SRBD1: variants seen among roughly 807,000 people sequenced by gnomAD.
SRBD1 encodes the protein S1 RNA binding domain 1.
Under a neutral mutation model 115.3 loss-of-function variants are expected in SRBD1, and 88 were observed. The observed-to-expected ratio is 0.76, with a 90% CI of 0.64 to 0.91. The LOEUF (loss-of-function observed/expected upper bound fraction) is 0.91. Among genes scored for constraint, SRBD1 ranks in the 40% least tolerant of loss-of-function variants. SRBD1 has a pLI of 0.00. For missense variants in SRBD1, 1,385 were observed against 1,177.4 expected (o/e 1.18, Z -2.58); for synonymous variants, 509 against 407.7 (o/e 1.25, Z -2.99).
At chr2:45,396,400 A>T (rs1667147102) in intron 19 of SRBD1, among the ~76,000 whole-genome samples, 1 of 152,222 alleles carries the variant, frequency 6.6e-6, no homozygotes, top group Non-Finnish European at 1.5e-5. Flanking sequence ...TTCAAAAGTC[A>T]ATGAATTATT....
intron 4 of SRBD1, among the ~76,000 whole-genome samples, chr2:45,596,531 T>A (rs1673899701): frequency 6.6e-6 from 1 of 152,210 alleles, no homozygotes; most frequent in South Asian, 2.1e-4. Context: ...TCTCAGTAAT[T>A]TCTCAGTAAG....
intron 14 of SRBD1, among the ~76,000 whole-genome samples, chr2:45,496,504 T>C (rs991784758): frequency 6.6e-6 from 1 of 152,102 alleles, no homozygotes. Context: ...AAGAGAAAGA[T>C]AGAAGCAGCG....
chr2:45,546,723 T>C lies in SRBD1; in HGVS notation c.1874+9A>G, dbSNP rs1032874564. Reference sequence around the variant, plus strand: ...TCTCCAAGAAAAGAGATATATGTAATAGCCTTACCAGTAAACAACATCCAG... The same window carrying C: ...TCTCCAAGAAAAGAGATATATGTAACAGCCTTACCAGTAAACAACATCCAG... On this transcript the variant is annotated intron_variant, in intron 14 of 20. Transcript: ENST00000263736. 1.2e-6 allele frequency: 2 copies of C among 1,612,702 alleles called. No individual in the cohort carries two copies. Among genetic ancestry groups the C allele is most frequent in the Non-Finnish European group, 1.7e-6 (2 of 1,178,786 alleles).
chr2:45,422,434 A>G (rs1317218307), intron 16 of SRBD1, among the ~76,000 whole-genome samples: 1 of 152,230 alleles, frequency 6.6e-6, no homozygotes, highest in African/African-American at 2.4e-5. Flanking sequence ...ACTGAGGGTT[A>G]TGATCAATTA....
chr2:45,395,576 G>A (rs1436208234), intron 19 of SRBD1, among the ~76,000 whole-genome samples: 1 of 152,184 alleles, frequency 6.6e-6, no homozygotes, highest in Non-Finnish European at 1.5e-5. Context: ...ACCAACTTGT[G>A]CTCCTAGCTA....
chr2:45,412,298 C>T (rs1352378895), intron 19 of SRBD1, among the ~76,000 whole-genome samples: 2 of 151,944 alleles, frequency 1.3e-5, no homozygotes, highest in African/African-American at 4.8e-5. Context: ...TTGGGGGAAA[C>T]CAGGAACTAG....
At chr2:45,524,482 G>A (rs182667859) in intron 14 of SRBD1, among the ~76,000 whole-genome samples, 37 of 151,850 alleles carry the variant, frequency 2.4e-4, no homozygotes, top group African/African-American at 8.7e-4. Context: ...TATAAAAACC[G>A]ACTATTTCTA....
intron 14 of SRBD1, among the ~76,000 whole-genome samples, chr2:45,515,225 G>A (rs529586373): frequency 6.6e-6 from 1 of 152,140 alleles, no homozygotes; most frequent in Non-Finnish European, 1.5e-5. Flanking sequence ...TCTATGGTCA[G>A]ACACTGTTAT....
At chr2:45,414,757 C>CATAT (rs777050468) in intron 18 of SRBD1, among the ~76,000 whole-genome samples, 19 of 48,426 alleles carry the variant, frequency 3.9e-4, no homozygotes, top group African/African-American at 1.7e-3. Context: ...TACACACACA[C>CATAT]AGTGTGTATA....
chr2:45,483,324 T>C (rs1670021287), intron 15 of SRBD1, among the ~76,000 whole-genome samples: 1 of 152,038 alleles, frequency 6.6e-6, no homozygotes, highest in African/African-American at 2.4e-5. Flanking sequence ...AAAAATTACA[T>C]TTGACACACC....
At chr2:45,599,376 C>T (rs940744516) in intron 4 of SRBD1, 73 bp downstream of exon 4, 3 of 1,493,110 alleles carry the variant, frequency 2.0e-6, no homozygotes, top group Admixed American at 4.6e-5. Flanking sequence ...TTCCCTTAGA[C>T]AGTACAACCC....
chr2:45,587,204 T>G (rs1463612989), intron 4 of SRBD1, among the ~76,000 whole-genome samples: 1 of 146,096 alleles, frequency 6.8e-6, no homozygotes, highest in Non-Finnish European at 1.5e-5. Flanking sequence ...AATATTTAAT[T>G]ATTTTAAAAT....
intron 14 of SRBD1, among the ~76,000 whole-genome samples, chr2:45,498,381 A>T (rs1670524907): frequency 1.3e-5 from 2 of 152,144 alleles, no homozygotes; most frequent in African/African-American, 4.8e-5. Context: ...TGAAACAGAA[A>T]GTTGTGTGTG....
intron 16 of SRBD1, among the ~76,000 whole-genome samples, chr2:45,452,353 C>T (rs1669023178): frequency 6.6e-6 from 1 of 151,894 alleles, no homozygotes; most frequent in South Asian, 2.1e-4. Flanking sequence ...CCTACTTTTA[C>T]CTGAGAATTT....
At chr2:45,500,070 G>A (rs920805678) in intron 14 of SRBD1, among the ~76,000 whole-genome samples, 2 of 152,128 alleles carry the variant, frequency 1.3e-5, no homozygotes, top group African/African-American at 4.8e-5. Flanking sequence ...CACTGAATCT[G>A]TAGATCACTT....
At chr2:45,597,321 G>A (rs921340966) in intron 4 of SRBD1, among the ~76,000 whole-genome samples, 9 of 151,978 alleles carry the variant, frequency 5.9e-5, no homozygotes, top group African/African-American at 1.7e-4. Flanking sequence ...TCAGGAGGCT[G>A]AGGCAGGAGA....
intron 16 of SRBD1, among the ~76,000 whole-genome samples, chr2:45,437,839 C>T (rs1668545809): frequency 6.6e-6 from 1 of 152,050 alleles, no homozygotes; most frequent in Non-Finnish European, 1.5e-5. Context: ...TCTAACTAAA[C>T]TTGGATATGG....
chr2:45,531,701 A>AC (rs11400341), intron 14 of SRBD1, among the ~76,000 whole-genome samples: 58,603 of 151,372 alleles, frequency 0.39, 12,787 homozygotes, highest in African/African-American at 0.57. Flanking sequence ...AAGAAGTTCT[A>AC]CCCCATATAT....
chr2:45,550,294 A>C (rs540522684), intron 12 of SRBD1, among the ~76,000 whole-genome samples: 2 of 152,294 alleles, frequency 1.3e-5, no homozygotes, highest in South Asian at 4.1e-4. Context: ...TAGAAGCTCC[A>C]CAAACCCTAA....
Sources: allele counts gnomAD v4.1 joint callset (sites outside exome capture counted in the v4.1 genomes callset), GRCh38; gene constraint gnomAD v4.1.1; transcripts MANE v1.5; gene names NCBI Gene and HGNC (gene_info 2026-07-23, HGNC 2026-07-21).